The following SYN2 variants were observed in gnomAD, a reference collection of about 807,000 sequenced individuals.
SYN2 encodes synapsin II.
SYN2 carries 19 observed loss-of-function variants against 50.9 expected under a neutral mutation model. The ratio of observed to expected loss-of-function variants is 0.37; its 90% CI spans 0.26 to 0.55. The LOEUF (loss-of-function observed/expected upper bound fraction) is 0.55, where lower values mean the gene tolerates loss of function less well. SYN2 is among the 20% of genes least tolerant of loss of function. The pLI is 0.81. For missense variants in SYN2, 587 were observed against 576.4 expected (o/e 1.02, Z -0.19); for synonymous variants, 255 against 224.9 (o/e 1.13, Z -1.20).
intron 1 of SYN2, among the ~76,000 whole-genome samples, chr3:12,112,488 A>G (rs1696343841): frequency 6.6e-6 from 1 of 152,150 alleles, no homozygotes; most frequent in African/African-American, 2.4e-5. Context: ...ATGCTTTCAA[A>G]AATTTTGCAG....
chr3:12,035,705 G>A (rs2125145334), intron 1 of SYN2, among the ~76,000 whole-genome samples: 1 of 152,300 alleles, frequency 6.6e-6, no homozygotes. Flanking sequence ...AATCGGATAA[G>A]AAAATAAAGC....
chr3:12,163,922 C>A (rs1697719360), intron 7 of SYN2, among the ~76,000 whole-genome samples: 1 of 151,926 alleles, frequency 6.6e-6, no homozygotes. Flanking sequence ...ACAAAAAATA[C>A]AAAAATTAGC....
Position 12,004,879 on chromosome 3 carries a change from G to A in SYN2, c.328G>A (p.Ala110Thr), listed in dbSNP as rs1455173486. 1.7e-6 allele frequency: 1 copy of A among 577,174 alleles called. No homozygotes were observed. The highest frequency in any genetic ancestry group is 2.9e-5 in the Admixed American group (1 of 34,434). 35.8% of individuals were successfully genotyped at this position (577,174 alleles called of 1,614,324 possible). A position where few individuals can be genotyped will look rare whatever the true frequency, so the allele number is the denominator to read the frequency against. ...CGCGCCCGCTCCCGCGCCCGCAGCCGCCAGGAAGGCCAAGGTGCTGCTGGT... is the reference window on the plus strand; with the variant it reads ...CGCGCCCGCTCCCGCGCCCGCAGCCACCAGGAAGGCCAAGGTGCTGCTGGT... ...VDAPAPAPAA[A>T]RKAKVLLVVD... The change falls in exon 1 of 13, where the codon GCC becomes ACC. Residue 110 changes from alanine to threonine, a missense_variant. Ala to Thr is a moderately conservative substitution (Grantham distance 58). Coordinates refer to ENST00000621198, the MANE Select transcript of SYN2 (RefSeq NM_133625.6).
chr3:12,168,508 C>T, intron 9 of SYN2, 30 bp downstream of exon 9: 1 of 1,579,738 alleles, frequency 6.3e-7, no homozygotes, highest in Non-Finnish European at 8.7e-7. Flanking sequence ...TAAGAGGTAA[C>T]TCCTAAGGCT....
intron 1 of SYN2, among the ~76,000 whole-genome samples, chr3:12,027,074 T>C (rs760993896): frequency 5.9e-5 from 9 of 152,194 alleles, no homozygotes; most frequent in Non-Finnish European, 1.2e-4. Flanking sequence ...AGTCTCAGAC[T>C]GCAATAAACT....
chr3:12,010,745 T>C lies in SYN2; in HGVS notation c.377+5817T>C, dbSNP rs569042925. ...TTAGCTCTAATTTTTTTCTATATGG[T>C]AATGCCTGTAAATCTTTGGAAGCAG... is the stretch of plus-strand genomic sequence containing the variant. On this transcript the variant is annotated intron_variant, in intron 1 of 12. Coordinates refer to ENST00000621198, the MANE Select transcript of SYN2 (RefSeq NM_133625.6). Among the ~76,000 whole-genome samples, 5 of 152,348 alleles carry C rather than the reference T, an allele frequency of 3.3e-5. No homozygotes were observed. In the South Asian group the frequency reaches 1.0e-3, roughly 32 times the overall value.
chr3:12,055,952 A>G (rs921424860), intron 1 of SYN2, among the ~76,000 whole-genome samples: 2 of 152,230 alleles, frequency 1.3e-5, no homozygotes, highest in African/African-American at 2.4e-5. Context: ...AGTCTGATCA[A>G]GCCTCTGCGT....
At chr3:12,169,068 AG>A (rs1697876764) in intron 9 of SYN2, among the ~76,000 whole-genome samples, 1 of 152,214 alleles carries the variant, frequency 6.6e-6, no homozygotes, top group Non-Finnish European at 1.5e-5. Flanking sequence ...AGCCCAAAGT[AG>A]GCTTCAAATT....
At chr3:12,165,079 C>A (rs1484468562) in intron 7 of SYN2, among the ~76,000 whole-genome samples, 1 of 149,982 alleles carries the variant, frequency 6.7e-6, no homozygotes, top group African/African-American at 2.5e-5. Context: ...CTCCGCCTCC[C>A]TGGTTCAAGC....
At chr3:12,127,556 C>G (rs1337219564) in intron 1 of SYN2, among the ~76,000 whole-genome samples, 1 of 152,192 alleles carries the variant, frequency 6.6e-6, no homozygotes, top group African/African-American at 2.4e-5. Flanking sequence ...CCAGTTCTCC[C>G]AGCCTGCCAA....
intron 9 of SYN2, among the ~76,000 whole-genome samples, chr3:12,169,030 G>T (rs762054714): frequency 6.6e-6 from 1 of 152,198 alleles, no homozygotes; most frequent in Non-Finnish European, 1.5e-5. Flanking sequence ...CTAGGAGTTG[G>T]TGGTATTTCC....
intron 1 of SYN2, among the ~76,000 whole-genome samples, chr3:12,127,322 A>G (rs1385506000): frequency 6.6e-6 from 1 of 152,252 alleles, no homozygotes; most frequent in Non-Finnish European, 1.5e-5. Context: ...GCATGAGCTT[A>G]TACTCTGGGC....
chr3:12,124,618 C>G (rs1282605966), intron 1 of SYN2, among the ~76,000 whole-genome samples: 1 of 151,962 alleles, frequency 6.6e-6, no homozygotes, highest in Non-Finnish European at 1.5e-5. Flanking sequence ...ATAAATAGGC[C>G]AGGGTTTTGT....
intron 1 of SYN2, among the ~76,000 whole-genome samples, chr3:12,062,201 G>C (rs1024670431): frequency 8.6e-5 from 13 of 151,958 alleles, no homozygotes; most frequent in African/African-American, 3.1e-4. Flanking sequence ...ATGGAACAGA[G>C]AGCCCAGAAA....
chr3:12,173,392 C>T (rs910061166), intron 10 of SYN2, among the ~76,000 whole-genome samples: 9 of 152,190 alleles, frequency 5.9e-5, no homozygotes, highest in African/African-American at 2.2e-4. Flanking sequence ...CTTATCTGCA[C>T]CTCCACCCAC....
chr3:12,163,952 T>C (rs1208835263), intron 7 of SYN2, among the ~76,000 whole-genome samples: 1 of 152,062 alleles, frequency 6.6e-6, no homozygotes, highest in Non-Finnish European at 1.5e-5. Context: ...TGCTTGCCTA[T>C]AGTCCTAGCT....
chr3:12,139,325 T>C (rs1696965341), intron 1 of SYN2, among the ~76,000 whole-genome samples: 1 of 151,930 alleles, frequency 6.6e-6, no homozygotes, highest in Non-Finnish European at 1.5e-5. Flanking sequence ...CCCTTGTGAG[T>C]GGAAGAAGGA....
chr3:12,186,801 C>T (rs774140488), intron 11 of SYN2, among the ~76,000 whole-genome samples: 77 of 152,180 alleles, frequency 5.1e-4, no homozygotes, highest in Admixed American at 3.1e-3. Context: ...AGAACTTGCT[C>T]AACCCTATTA....
At chr3:12,077,360 A>G (rs549309045) in intron 1 of SYN2, among the ~76,000 whole-genome samples, 24 of 152,166 alleles carry the variant, frequency 1.6e-4, no homozygotes, top group Non-Finnish European at 2.9e-4. Flanking sequence ...CAGGATGTGC[A>G]GGTTTGTTAC....
Sources: allele counts gnomAD v4.1 joint callset (sites outside exome capture counted in the v4.1 genomes callset), GRCh38; gene constraint gnomAD v4.1.1; transcripts MANE v1.5; gene names NCBI Gene and HGNC (gene_info 2026-07-23, HGNC 2026-07-21).